The following DPRX variants were observed in gnomAD, a reference collection of about 807,000 sequenced individuals.
The protein encoded by DPRX is divergent-paired related homeobox, also known as divergent paired-related homeobox.
A neutral mutation model predicts 8.4 loss-of-function variants in DPRX; 11 were observed. The observed-to-expected ratio is 1.31, with a 90% CI of 0.82 to 2.17. The LOEUF is 2.17. Ranked by LOEUF, DPRX falls within the 30% of genes most tolerant of loss-of-function variation. DPRX has a pLI of 0.00. For synonymous variants in DPRX, 72 were observed against 87.0 expected, an observed-to-expected ratio of 0.83 and a Z score of 0.96; for missense variants, 211 against 236.7, an observed-to-expected ratio of 0.89 and a Z score of 0.71.
chr19:53,626,083 C>T, the DPRX span, among the ~76,000 whole-genome samples: 2,625 of 152,034 alleles, frequency 0.017, 72 homozygotes, highest in African/African-American at 0.06. Flanking sequence ...ACTACAGGCA[C>T]GTGCCACCAA....
intron 1 of DPRX, 49 bp downstream of exon 1, chr19:53,632,183 A>T: frequency 1.2e-6 from 2 of 1,613,654 alleles, no homozygotes; most frequent in Non-Finnish European, 1.7e-6. Context: ...GAAGAAGTGG[A>T]AAGCAGCTGG....
the DPRX span, among the ~76,000 whole-genome samples, chr19:53,617,989 T>C: frequency 1.3e-5 from 2 of 151,618 alleles, no homozygotes; most frequent in Admixed American, 1.3e-4. Context: ...AATACAAAAA[T>C]TAGCCGGGCG....
intron 2 of DPRX, among the ~76,000 whole-genome samples, chr19:53,634,972 C>T (rs549525367): frequency 3.3e-5 from 5 of 152,292 alleles, no homozygotes; most frequent in African/African-American, 9.6e-5. Flanking sequence ...CCACAGACAA[C>T]GTAAACAAGA....
the DPRX span, among the ~76,000 whole-genome samples, chr19:53,626,378 C>G: frequency 3.9e-5 from 6 of 152,142 alleles, no homozygotes; most frequent in African/African-American, 1.4e-4. Flanking sequence ...CACGCCCCAC[C>G]GTGAGACCCC....
the DPRX span, chr19:53,604,632 C>T: frequency 6.6e-6 from 1 of 152,214 alleles, no homozygotes; most frequent in East Asian, 1.9e-4. Flanking sequence ...CACCTGAGGT[C>T]AGGAGTTCAA....
the DPRX span, among the ~76,000 whole-genome samples, chr19:53,620,992 A>G: frequency 1.3e-5 from 2 of 152,234 alleles, no homozygotes; most frequent in African/African-American, 2.4e-5. Flanking sequence ...AGAGTATGGT[A>G]GAATCAAGTG....
At chr19:53,615,909 C>T in the DPRX span, among the ~76,000 whole-genome samples, 3 of 151,688 alleles carry the variant, frequency 2.0e-5, no homozygotes, top group Non-Finnish European at 4.4e-5. Flanking sequence ...TCAAGACCAG[C>T]TTGGGCAACA....
the DPRX span, among the ~76,000 whole-genome samples, chr19:53,620,163 G>A: frequency 7.4e-4 from 113 of 152,058 alleles, no homozygotes; most frequent in Middle Eastern, 6.8e-3. Context: ...TCCGCCTCCC[G>A]GGTTCAAGCC....
chr19:53,633,667 G>GCC (rs2091101375), intron 1 of DPRX, among the ~76,000 whole-genome samples: 1 of 151,974 alleles, frequency 6.6e-6, no homozygotes, highest in African/African-American at 2.4e-5. Flanking sequence ...GCACCATCAC[G>GCC]CCCAGCTAAT....
chr19:53,617,308 C>T, the DPRX span: 1 of 647,940 alleles, frequency 1.5e-6, no homozygotes, highest in Admixed American at 2.2e-5. Context: ...CCTGTAATCC[C>T]AGCACTTTGG....
At chr19:53,628,278 CTAAAA>C (rs1033919057), upstream of DPRX, among the ~76,000 whole-genome samples, 2 of 151,966 alleles carry the variant, frequency 1.3e-5, no homozygotes, top group Non-Finnish European at 2.9e-5. Flanking sequence ...TCTCTGAAAC[CTAAAA>C]TAAAATAAAA....
upstream of DPRX, among the ~76,000 whole-genome samples, chr19:53,630,214 A>G (rs1350880889): frequency 6.7e-6 from 1 of 148,914 alleles, no homozygotes; most frequent in Admixed American, 6.7e-5. Context: ...CTCCATCTCA[A>G]AAAAAAAAAA....
chr19:53,629,334 G>A (rs111567602), upstream of DPRX, among the ~76,000 whole-genome samples: 456 of 112,466 alleles, frequency 4.1e-3, 10 homozygotes, highest in Middle Eastern at 0.016. Flanking sequence ...AAAAAAAAAA[G>A]AGGAATGAGA....
At chr19:53,611,191 A>G in the DPRX span, among the ~76,000 whole-genome samples, 23,039 of 152,074 alleles carry the variant, frequency 0.15, 1,906 homozygotes, top group South Asian at 0.28. Context: ...CGCGAGCCAC[A>G]GAGCCCAGCC....
At chr19:53,631,950 G>A (rs2091094277), upstream of DPRX, 1 of 936,374 alleles carries the variant, frequency 1.1e-6, no homozygotes, top group Non-Finnish European at 1.7e-6. Context: ...AGGGGGCTCT[G>A]GAGGACCGAG....
At chr19:53,620,657 G>A in the DPRX span, among the ~76,000 whole-genome samples, 2 of 151,790 alleles carry the variant, frequency 1.3e-5, no homozygotes, top group South Asian at 2.1e-4. Flanking sequence ...GAGCCACCCC[G>A]CCCGGGGCAA....
the DPRX span, among the ~76,000 whole-genome samples, chr19:53,604,798 G>A: frequency 5.3e-5 from 8 of 150,248 alleles, no homozygotes; most frequent in South Asian, 2.1e-4. Context: ...AGCTGAGATC[G>A]TGCCACTGCA....
the DPRX span, chr19:53,616,660 G>A: frequency 3.9e-5 from 25 of 642,792 alleles, no homozygotes; most frequent in Middle Eastern, 4.6e-4. Context: ...AAACTGAGGC[G>A]GGAGAATCCC....
upstream of DPRX, among the ~76,000 whole-genome samples, chr19:53,628,726 A>G (rs1156880287): frequency 6.6e-6 from 1 of 151,808 alleles, no homozygotes; most frequent in Non-Finnish European, 1.5e-5. Context: ...AGTAGCTGGG[A>G]TTACAGGCAT....
Sources: allele counts gnomAD v4.1 joint callset (sites outside exome capture counted in the v4.1 genomes callset), GRCh38; gene constraint gnomAD v4.1.1; transcripts MANE v1.5; gene names NCBI Gene and HGNC (gene_info 2026-07-23, HGNC 2026-07-21).